The following NELFCD variants were observed in gnomAD, a reference collection of about 807,000 sequenced individuals.
The protein encoded by NELFCD is negative elongation factor complex member C/D, also known as negative elongation factor C/D.
In NELFCD, 48 loss-of-function variants were observed where a neutral mutation model predicts 72.9. The observed-to-expected ratio is 0.66, with a 90% CI of 0.52 to 0.84. The LOEUF is 0.84. Among genes scored for constraint, NELFCD ranks in the 40% least tolerant of loss-of-function variants. The pLI, the probability that NELFCD is intolerant of heterozygous loss-of-function variation, is 0.00. For synonymous variants in NELFCD, 297 were observed against 280.6 expected (o/e 1.06, Z -0.59); for missense variants, 538 against 723.8 (o/e 0.74, Z 2.94).
Position 58,993,510 on chromosome 20 carries a change from A to G in NELFCD, c.1406A>G (p.Glu469Gly). 1 of 1,614,174 alleles carries G rather than the reference A, an allele frequency of 6.2e-7. No homozygotes were observed. The highest frequency in any genetic ancestry group is 1.3e-5 in the African/African-American group (1 of 75,044). ...QVLQLLVKLFETEHSQLDVME... is the reference protein window; with the variant it reads ...QVLQLLVKLFGTEHSQLDVME... ...CTGCAGCTGCTTGTTAAGCTTTTTG[A>G]GACTGAGCACTCCCAGCTGGACGTG... Residue 469 changes from glutamate (E) to glycine (G), a missense_variant, in exon 12 of 15, where the codon GAG (glutamate) becomes GGG (glycine). Transcript: ENST00000652272. This position sits in a 1 kb window ranked among gnomAD's most constrained non-coding sequence, Gnocchi z 5.0.
intron 1 of NELFCD, among the ~76,000 whole-genome samples, chr20:58,983,168 G>C (rs868712521): frequency 6.8e-6 from 1 of 147,302 alleles, no homozygotes; most frequent in Non-Finnish European, 1.5e-5. Context: ...ACAGAGTCTC[G>C]CTTAGCTGCT....
chr20:58,990,962 C>T lies in NELFCD; in HGVS notation c.841C>T (p.Pro281Ser), dbSNP rs1262280746. 3.1e-6 allele frequency: 5 copies of T among 1,614,226 alleles called. No individual in the cohort carries two copies. Among genetic ancestry groups the T allele is most frequent in the Non-Finnish European group, 4.2e-6 (5 of 1,180,032 alleles). Residue 281 changes from proline (P) to serine (S), a missense_variant, in exon 8 of 15, where the codon CCC (proline) becomes TCC (serine). Transcript: ENST00000652272. ...TLALGTAASY[P>S]RACQALGAML... ...AGCCTTGGGCACAGCTGCCTCCTAC[C>T]CCAGGGCCTGCCAGGCTCTCGGGGC...
intron 5 of NELFCD, 69 bp downstream of exon 5, chr20:58,989,090 C>G: frequency 8.6e-7 from 1 of 1,162,000 alleles, no homozygotes; most frequent in Admixed American, 1.8e-5. Context: ...TGGTCTGTTT[C>G]CTTTGACAGT....
intron 9 of NELFCD, 171 bp from the exon 10 acceptor site, chr20:58,991,710 T>C (rs1470960698): frequency 1.0e-5 from 8 of 787,336 alleles, no homozygotes; most frequent in Middle Eastern, 3.7e-4. Context: ...ACTAGTCTCA[T>C]TGCTTTTCAG....
intron 3 of NELFCD, 67 bp from the exon 4 acceptor site, chr20:58,987,641 T>C (rs2091782063): frequency 7.7e-7 from 1 of 1,306,422 alleles, no homozygotes; most frequent in Admixed American, 1.9e-5. Context: ...TTTTGACCAT[T>C]TGCTTTCTAA....
intron 8 of NELFCD, 64 bp downstream of exon 8, chr20:58,991,139 G>C: frequency 6.3e-7 from 1 of 1,577,840 alleles, no homozygotes; most frequent in Non-Finnish European, 8.7e-7. Flanking sequence ...GTCTGTGCTT[G>C]TCTGATTGTC....
In NELFCD at chr20:58,989,521, A is replaced by G; in HGVS notation, c.538A>G (p.Thr180Ala). ...ISDAGYQGEI[T>A]SVSTACQQLE... ...TGACGCAGGGTACCAGGGGGAGATC[A>G]CCAGTGTGTCCACAGCATGCCAGCA... The change falls in exon 6 of 15, where the codon ACC becomes GCC. Residue 180 changes from threonine (T) to alanine (A), a missense_variant. Physicochemically the swap from Thr to Ala is moderately conservative, Grantham distance 58. Coordinates refer to ENST00000652272, the MANE Select transcript of NELFCD (RefSeq NM_198976.4). The G allele has an allele frequency of 6.2e-7, 1 of 1,614,170 alleles. No homozygotes were observed.
intron 7 of NELFCD, chr20:58,990,571 C>T (rs2091808453): frequency 4.6e-6 from 1 of 218,846 alleles, no homozygotes; most frequent in Non-Finnish European, 9.1e-6. Context: ...TGGGCTTTTA[C>T]ACTGGGGTTC....
chr20:58,992,086 T>C (rs540060573), intron 10 of NELFCD, 66 bp downstream of exon 10: 674 of 1,475,628 alleles, frequency 4.6e-4, no homozygotes, highest in Non-Finnish European at 5.6e-4. Flanking sequence ...AGTTTTCATA[T>C]TGAAAGCTCA....
chr20:58,986,344 G>T lies in NELFCD; in HGVS notation c.176+136G>T. ...AAGGCTTCAAGGGGGGGTCCCCTCT[G>T]CCACTTTTTTTTTTTTTTTAAATTT... On this transcript the variant is annotated intron_variant, in intron 2 of 14. Transcript: ENST00000652272. This position sits in a 1 kb window ranked among gnomAD's most constrained non-coding sequence, Gnocchi z 4.4. 5.0e-6 allele frequency: 3 copies of T among 602,028 alleles called. No homozygotes were observed. Among genetic ancestry groups the T allele is most frequent in the South Asian group, 2.2e-5 (1 of 46,200 alleles). The allele number at this position is 602,028 out of a possible 1,614,324, so 37.3% of individuals were successfully genotyped here.
At chr20:58,990,786 A>G (rs1217178516) in intron 7 of NELFCD, 124 bp from the exon 8 acceptor site, 4 of 802,066 alleles carry the variant, frequency 5.0e-6, no homozygotes, top group Non-Finnish European at 8.0e-6. Flanking sequence ...TTTGTGGGTC[A>G]GTCAGTATAC....
intron 9 of NELFCD, 145 bp from the exon 10 acceptor site, chr20:58,991,736 T>C (rs1045098155): frequency 2.2e-6 from 2 of 920,458 alleles, no homozygotes; most frequent in African/African-American, 3.3e-5. Flanking sequence ...GTACACTGTG[T>C]GACTGTGAAG....
At chr20:58,990,723 A>G in intron 7 of NELFCD, 187 bp from the exon 8 acceptor site, 1 of 557,282 alleles carries the variant, frequency 1.8e-6, no homozygotes, top group South Asian at 2.6e-5. Context: ...CTCCTTTCTT[A>G]TAGAGCCAGC....
rs1006850276 is a variant in NELFCD at position 58,988,901 on chromosome 20, T to C, written c.397-13T>C. On this transcript the variant is annotated splice_polypyrimidine_tract_variant and intron_variant, in intron 4 of 14. Transcript: ENST00000652272. ...GCCTCCTCCTATCTTGCTGTTTGTG[T>C]GTGTGTTGGCAGACCCCAGCGTGGC... 1 of 1,601,540 alleles carries C rather than the reference T, an allele frequency of 6.2e-7. No homozygotes were observed. Among genetic ancestry groups the C allele is most frequent in the African/African-American group, 1.3e-5 (1 of 74,664 alleles).
At position 58,986,508 on chromosome 20, in the gene NELFCD, T is replaced by G; in HGVS notation, c.177-246T>G. ...GCGTCTGCCATCATGCCTGGCTATTTTTGTTTTTGTTTTTTGGGAGAGACA... is the reference window on the plus strand; with the variant it reads ...GCGTCTGCCATCATGCCTGGCTATTGTTGTTTTTGTTTTTTGGGAGAGACA... On this transcript the variant is annotated intron_variant, in intron 2 of 14. Coordinates refer to ENST00000652272, the MANE Select transcript of NELFCD (RefSeq NM_198976.4). This position sits in a 1 kb window ranked among gnomAD's most constrained non-coding sequence, Gnocchi z 4.4. The G allele has an allele frequency of 1.8e-6, 1 of 553,962 alleles. No homozygotes were observed. 34.3% of individuals were successfully genotyped at this position (553,962 alleles called of 1,614,324 possible).
chr20:58,987,158 G>C, intron 3 of NELFCD: 1 of 338,972 alleles, frequency 3.0e-6, no homozygotes, highest in Non-Finnish European at 5.3e-6. Flanking sequence ...TGTGTGTTCA[G>C]TGTGTCATTT....
chr20:58,983,266 A>C (rs2091749384), intron 1 of NELFCD, among the ~76,000 whole-genome samples: 1 of 149,390 alleles, frequency 6.7e-6, no homozygotes, highest in African/African-American at 2.5e-5. Context: ...CCTCCTGAGT[A>C]GCTGGGATTA....
intron 5 of NELFCD, 81 bp downstream of exon 5, chr20:58,989,102 C>T: frequency 1.9e-6 from 2 of 1,052,396 alleles, no homozygotes; most frequent in Non-Finnish European, 2.9e-6. Flanking sequence ...TTTGACAGTT[C>T]ATATTTGCTT....
Position 58,993,302 on chromosome 20 carries a change from T to TTA in NELFCD, c.1345-147_1345-146insTA. 1 of 843,652 alleles carries TTA rather than the reference T, an allele frequency of 1.2e-6. No homozygotes were observed. The highest frequency in any genetic ancestry group is 1.9e-6 in the Non-Finnish European group (1 of 537,874). The allele number at this position is 843,652 out of a possible 1,614,324, so 52.3% of individuals were successfully genotyped here. On this transcript the variant is annotated intron_variant, in intron 11 of 14. Transcript: ENST00000652272. This position sits in a 1 kb window ranked among gnomAD's most constrained non-coding sequence, Gnocchi z 5.0. ...CAGAAATTTCTTAACCTCAGTCAAG[T>TTA]GTTACTGGAAGCTGATGGCCCTGGC...
Sources: allele counts gnomAD v4.1 joint callset (sites outside exome capture counted in the v4.1 genomes callset), GRCh38; gene constraint gnomAD v4.1.1; non-coding constraint Gnocchi (gnomAD v3.1); transcripts MANE v1.5; gene names NCBI Gene and HGNC (gene_info 2026-07-23, HGNC 2026-07-21).